TENT5D: variants seen among roughly 807,000 people sequenced by gnomAD.
TENT5D encodes terminal nucleotidyltransferase 5D, also known as cancer/testis antigen 112.
For synonymous variants in TENT5D, 103 were observed against 100.6 expected (o/e 1.02, Z -0.15); for missense variants, 191 against 287.0 (o/e 0.67, Z 2.42).
chrX:80,443,945 A>G (rs940237180), exon 3 of TENT5D: 10 of 306,719 alleles, frequency 3.3e-5, no homozygotes, highest in African/African-American at 1.9e-4. Flanking sequence ...ACTAGCTATA[A>G]TAACTTTCAA....
chrX:80,382,700 G>A (rs758633492), intron 3 of TENT5D, among the ~76,000 whole-genome samples: 11 of 12,843 alleles, frequency 8.6e-4, no homozygotes, highest in South Asian at 9.6e-3. Context: ...CAGCAATGGC[G>A]GACGCCCCCC....
intron 3 of TENT5D, among the ~76,000 whole-genome samples, chrX:80,372,931 C>T (rs1930654237): frequency 1.9e-5 from 2 of 107,247 alleles, no homozygotes; most frequent in African/African-American, 6.7e-5. Flanking sequence ...TACTGTATTT[C>T]ATATTACCAA....
chrX:80,390,435 T>G (rs1308307858), intron 3 of TENT5D, among the ~76,000 whole-genome samples: 1 of 111,435 alleles, frequency 9.0e-6, no homozygotes, highest in Non-Finnish European at 1.9e-5. Context: ...TGTCAAGGAG[T>G]AGGCAGAGAC....
intron 3 of TENT5D, among the ~76,000 whole-genome samples, chrX:80,395,672 T>C (rs1267298788): frequency 9.0e-6 from 1 of 110,982 alleles, no homozygotes; most frequent in African/African-American, 3.3e-5. Flanking sequence ...ATATCCATCA[T>C]CTCAAACATT....
At chrX:80,406,259 C>T (rs1432724937) in intron 3 of TENT5D, among the ~76,000 whole-genome samples, 18 of 111,965 alleles carry the variant, frequency 1.6e-4, no homozygotes, top group South Asian at 7.4e-4. Context: ...AGAATGACTT[C>T]GACGAGCTGA....
intron 3 of TENT5D, among the ~76,000 whole-genome samples, chrX:80,411,689 A>G (rs768113875): frequency 8.9e-6 from 1 of 112,645 alleles, no homozygotes; most frequent in East Asian, 2.8e-4. Context: ...TTGTAATTAA[A>G]AAAAATTGGA....
intron 3 of TENT5D, among the ~76,000 whole-genome samples, chrX:80,355,380 G>A (rs998296838): frequency 2.7e-5 from 3 of 111,535 alleles, no homozygotes; most frequent in Admixed American, 9.5e-5. Context: ...CCTGTCCCAC[G>A]GCCAAGATAA....
rs186791475 is a variant in TENT5D at position 80,363,895 on chromosome X, A to G, written c.-142+21331A>G. Among the ~76,000 whole-genome samples, 525 of 112,689 alleles carry G rather than the reference A, an allele frequency of 4.7e-3. 7 individuals carry two copies. The highest frequency in any genetic ancestry group is 0.016 in the African/African-American group (498 of 31,123). On this transcript the variant is annotated intron_variant, in intron 3 of 4. Coordinates refer to the TENT5D transcript ENST00000538312. ...AGACATTGTGAAATGTTTAACCACA[A>G]TCAAGCTAATTAACATATCCATTAC...
At chrX:80,440,708 G>T (rs751173443) in intron 2 of TENT5D, among the ~76,000 whole-genome samples, 2 of 110,965 alleles carry the variant, frequency 1.8e-5, no homozygotes, top group Admixed American at 1.9e-4. Context: ...ATATATATTT[G>T]CAAAACAAAT....
chrX:80,406,858 G>T (rs1159372557), intron 3 of TENT5D, among the ~76,000 whole-genome samples: 1 of 90,062 alleles, frequency 1.1e-5, no homozygotes, highest in South Asian at 6.2e-4. Context: ...GAGAAAGGTC[G>T]GGTTACCCTC....
intron 3 of TENT5D, among the ~76,000 whole-genome samples, chrX:80,362,760 C>A (rs1337152800): frequency 9.0e-6 from 1 of 111,469 alleles, no homozygotes. Context: ...TCCATTTAAT[C>A]CAGAAGTTGC....
intron 2 of TENT5D, among the ~76,000 whole-genome samples, chrX:80,442,162 A>C (rs1369580202): frequency 2.7e-5 from 3 of 111,273 alleles, no homozygotes; most frequent in Non-Finnish European, 5.7e-5. Flanking sequence ...ATTAATCTCA[A>C]TGATACATTA....
chrX:80,440,285 G>C (rs1434001086), intron 2 of TENT5D, among the ~76,000 whole-genome samples: 1 of 111,344 alleles, frequency 9.0e-6, no homozygotes, highest in Non-Finnish European at 1.9e-5. Context: ...ATAAAGTGAA[G>C]TTAAATTTTG....
At position 80,413,894 on chromosome X, in the gene TENT5D, A is replaced by G. The variant is rs193292851; in HGVS notation, c.-141-24716A>G. Among the ~76,000 whole-genome samples the G allele has an allele frequency of 3.1e-3, 346 of 112,767 alleles. 3 individuals carry two copies. Among genetic ancestry groups the G allele is most frequent in the African/African-American group, 0.011 (339 of 31,082 alleles). On this transcript the variant is annotated intron_variant, in intron 3 of 4. Coordinates refer to the TENT5D transcript ENST00000538312. ...ACAAAAACAGAAACAAGCAAACAAC[A>G]AAAAAATAGTTAAGCAAAGCAAAGA...
intron 3 of TENT5D, among the ~76,000 whole-genome samples, chrX:80,374,002 G>A (rs996534424): frequency 9.1e-6 from 1 of 110,203 alleles, no homozygotes; most frequent in Non-Finnish European, 1.9e-5. Flanking sequence ...CTCCACCCTC[G>A]ACCCTCTGAA....
intron 3 of TENT5D, among the ~76,000 whole-genome samples, chrX:80,398,449 A>G (rs1931330090): frequency 9.0e-6 from 1 of 111,039 alleles, no homozygotes; most frequent in South Asian, 3.7e-4. Flanking sequence ...TGTTACCTGT[A>G]TCTTGGGGTC....
intron 1 of TENT5D, among the ~76,000 whole-genome samples, chrX:80,425,734 A>G (rs906730207): frequency 1.8e-5 from 2 of 112,156 alleles, no homozygotes; most frequent in African/African-American, 6.5e-5. Flanking sequence ...ATATGTTAAT[A>G]ATATTTACTG....
Position 80,431,095 on chromosome X carries a change from T to C in TENT5D, c.-141-7515T>C, listed in dbSNP as rs1234348196. Among the ~76,000 whole-genome samples the C allele has an allele frequency of 2.7e-5, 3 of 112,057 alleles. No individual in the cohort carries two copies. In the East Asian group the frequency reaches 8.4e-4, roughly 31 times the overall value. On this transcript the variant is annotated intron_variant, in intron 1 of 2. Coordinates refer to ENST00000308293, the Ensembl canonical transcript of TENT5D. ...ATTGACTTCCAAATATAAAATCCCATTGTTGTTTAAATGTCAATGTAGTTA... is the reference window on the plus strand; with the variant it reads ...ATTGACTTCCAAATATAAAATCCCACTGTTGTTTAAATGTCAATGTAGTTA...
At chrX:80,436,872 G>T (rs959461835) in intron 1 of TENT5D, among the ~76,000 whole-genome samples, 1 of 111,514 alleles carries the variant, frequency 9.0e-6, no homozygotes, top group Admixed American at 9.6e-5. Flanking sequence ...AAGCACTAGG[G>T]CTCTCTATTG....
Sources: gnomAD v4.1 joint callset for allele counts (sites outside exome capture counted in the v4.1 genomes callset) on GRCh38, gnomAD v4.1.1 for gene constraint, MANE v1.5 for transcripts, NCBI Gene and HGNC (gene_info 2026-07-23, HGNC 2026-07-21) for gene names.